The following KCNH1 variants were observed in gnomAD, a reference collection of about 807,000 sequenced individuals.
KCNH1 encodes voltage-gated delayed rectifier potassium channel KCNH1.
Under a neutral mutation model 69.2 loss-of-function variants are expected in KCNH1, and 27 were observed. The ratio of observed to expected loss-of-function variants is 0.39; its 90% confidence interval spans 0.29 to 0.54. The LOEUF is 0.54. KCNH1 is among the 20% of genes least tolerant of loss of function. The pLI is 0.68. For synonymous variants in KCNH1, 456 were observed against 487.7 expected, an observed-to-expected ratio of 0.93 and a Z score of 0.86; for missense variants, 798 against 1,261.6, an observed-to-expected ratio of 0.63 and a Z score of 5.57.
Position 210,900,226 on chromosome 1 carries a change from T to G in KCNH1, c.1462+19414A>C, listed in dbSNP as rs571434591. On this transcript the variant is annotated intron_variant, in intron 7 of 10. Transcript: ENST00000271751. ...AGCAATGCCTGGAAGGAAAGTAGTC[T>G]TGCTCAGAGCCATCCCCATTCACGT... is the stretch of plus-strand genomic sequence containing the variant. Among the ~76,000 whole-genome samples the G allele has an allele frequency of 5.3e-5, 8 of 152,330 alleles. No individual in the cohort carries two copies. The South Asian group carries it at 1.7e-3, about 32-fold the overall frequency.
intron 4 of KCNH1, among the ~76,000 whole-genome samples, chr1:211,085,233 G>C (rs71638198): frequency 1.3e-5 from 2 of 152,006 alleles, no homozygotes; most frequent in South Asian, 4.1e-4. Context: ...TGAATGGCTG[G>C]ATAAAGGGCC....
chr1:210,717,605 G>T (rs150435422), intron 10 of KCNH1, among the ~76,000 whole-genome samples: 24 of 152,294 alleles, frequency 1.6e-4, no homozygotes, highest in African/African-American at 5.5e-4. Context: ...CTGGTGTGGT[G>T]AAGTAACATT....
intron 7 of KCNH1, among the ~76,000 whole-genome samples, chr1:210,850,154 GA>G (rs1263114121): frequency 6.6e-6 from 1 of 152,104 alleles, no homozygotes. Flanking sequence ...CATGAGCTGT[GA>G]AAGACACTGA....
intron 7 of KCNH1, among the ~76,000 whole-genome samples, chr1:210,847,438 G>C (rs1685581660): frequency 6.6e-6 from 1 of 152,148 alleles, no homozygotes; most frequent in African/African-American, 2.4e-5. Context: ...TAGGGACATG[G>C]ATGAAACTGG....
chr1:210,827,066 A>G (rs1257028975), intron 7 of KCNH1, among the ~76,000 whole-genome samples: 5 of 152,230 alleles, frequency 3.3e-5, no homozygotes, highest in Non-Finnish European at 5.9e-5. Flanking sequence ...GGCCAAGCGC[A>G]GTGGCTCATG....
At chr1:210,742,523 A>G (rs1683056288) in intron 10 of KCNH1, among the ~76,000 whole-genome samples, 1 of 152,220 alleles carries the variant, frequency 6.6e-6, no homozygotes, top group Admixed American at 6.5e-5. Flanking sequence ...TTCTCCTGGT[A>G]CAATGCTGGG....
chr1:210,775,212 C>G (rs1683837850), intron 10 of KCNH1, 136 bp downstream of exon 10: 1 of 712,744 alleles, frequency 1.4e-6, no homozygotes, highest in African/African-American at 1.8e-5. Context: ...CCCCGCAGAG[C>G]AAACAACAAA....
chr1:210,952,610 GT>G (rs1688085630), intron 6 of KCNH1, among the ~76,000 whole-genome samples: 1 of 151,794 alleles, frequency 6.6e-6, no homozygotes, highest in Non-Finnish European at 1.5e-5. Context: ...CAGCCCTCTT[GT>G]CTTACTACTC....
intron 6 of KCNH1, among the ~76,000 whole-genome samples, chr1:211,000,774 T>C (rs1277714036): frequency 2.0e-5 from 3 of 152,160 alleles, no homozygotes; most frequent in Non-Finnish European, 4.4e-5. Flanking sequence ...ACTACAAGGC[T>C]ACAGTAACCA....
At chr1:210,746,853 AC>A (rs1683173481) in intron 10 of KCNH1, among the ~76,000 whole-genome samples, 1 of 152,032 alleles carries the variant, frequency 6.6e-6, no homozygotes, top group African/African-American at 2.4e-5. Context: ...GGCTATTACA[AC>A]CTTTTCTTAA....
intron 9 of KCNH1, among the ~76,000 whole-genome samples, chr1:210,789,465 T>C (rs928888636): frequency 3.9e-5 from 6 of 152,202 alleles, no homozygotes; most frequent in Non-Finnish European, 8.8e-5. Flanking sequence ...TAAATGCCAC[T>C]TTTTTTCTGA....
At chr1:210,923,584 C>T (rs1207313357) in intron 6 of KCNH1, among the ~76,000 whole-genome samples, 1 of 152,246 alleles carries the variant, frequency 6.6e-6, no homozygotes, top group Admixed American at 6.5e-5. Context: ...CAGACTGGTC[C>T]TTCAGTCCAG....
intron 5 of KCNH1, among the ~76,000 whole-genome samples, chr1:211,027,434 ATCTCTAGAAAACATTTAAAAGTTGCCG>A (rs145458855): frequency 0.012 from 1,752 of 152,144 alleles, 39 homozygotes; most frequent in African/African-American, 0.04. Flanking sequence ...GTGAGACCCC[ATCTCTAGAAAACATTTAAAAGTTGCCG>A]TGCCTGGTGG....
chr1:210,872,580 G>T (rs1686277073), intron 7 of KCNH1, among the ~76,000 whole-genome samples: 1 of 152,140 alleles, frequency 6.6e-6, no homozygotes, highest in South Asian at 2.1e-4. Context: ...CTCAGCTTCT[G>T]GGGAGTCCTC....
chr1:211,097,788 C>T (rs543478927), intron 3 of KCNH1, among the ~76,000 whole-genome samples: 18 of 152,322 alleles, frequency 1.2e-4, no homozygotes, highest in Non-Finnish European at 2.5e-4. Context: ...ATGCCTTTCC[C>T]TGGGCTTCTC....
intron 6 of KCNH1, among the ~76,000 whole-genome samples, chr1:211,002,627 A>G (rs1689210214): frequency 6.6e-6 from 1 of 152,158 alleles, no homozygotes; most frequent in Non-Finnish European, 1.5e-5. Flanking sequence ...ACTTAAAACT[A>G]TAAAATAAGC....
At chr1:210,994,449 T>G (rs980261919) in intron 6 of KCNH1, among the ~76,000 whole-genome samples, 3 of 152,126 alleles carry the variant, frequency 2.0e-5, no homozygotes, top group African/African-American at 7.2e-5. Context: ...TTTTGGTTTG[T>G]GTAAAGAATA....
intron 4 of KCNH1, among the ~76,000 whole-genome samples, chr1:211,087,494 T>C (rs934817610): frequency 3.9e-5 from 6 of 152,038 alleles, no homozygotes; most frequent in African/African-American, 1.2e-4. Flanking sequence ...TACTCCCAAT[T>C]ATCTATAACA....
intron 5 of KCNH1, among the ~76,000 whole-genome samples, chr1:211,037,187 TA>T (rs757104945): frequency 2.0e-5 from 3 of 152,100 alleles, no homozygotes; most frequent in Non-Finnish European, 4.4e-5. Context: ...GGAGGCTTTG[TA>T]ATAATGGAGG....
Sources: allele counts gnomAD v4.1 joint callset (sites outside exome capture counted in the v4.1 genomes callset), GRCh38; gene constraint gnomAD v4.1.1; transcripts MANE v1.5; gene names NCBI Gene and HGNC (gene_info 2026-07-23, HGNC 2026-07-21).